FANCL: variants seen among roughly 807,000 people sequenced by gnomAD.
FANCL encodes the protein E3 ubiquitin-protein ligase FANCL.
A neutral mutation model predicts 59.4 loss-of-function variants in FANCL; 69 were observed. The ratio of observed to expected loss-of-function variants is 1.16; its 90% CI spans 0.96 to 1.42. The LOEUF (loss-of-function observed/expected upper bound fraction) is 1.42. Among genes scored for constraint, FANCL ranks in the 40% most tolerant of loss-of-function variants. The probability of loss-of-function intolerance (pLI) is 0.00; values close to 1 mark genes in which losing one functional copy is unlikely to be tolerated. For synonymous variants in FANCL, 180 were observed against 147.1 expected, an observed-to-expected ratio of 1.22 and a Z score of -1.62; for missense variants, 519 against 447.2, an observed-to-expected ratio of 1.16 and a Z score of -1.45.
At chr2:58,210,411 G>T (rs1691019381) in intron 5 of FANCL, among the ~76,000 whole-genome samples, 1 of 152,008 alleles carries the variant, frequency 6.6e-6, no homozygotes, top group Non-Finnish European at 1.5e-5. Context: ...CAATATGGGG[G>T]AAACCGCCCT....
chr2:58,188,055 GT>G (rs1169756710), intron 7 of FANCL, among the ~76,000 whole-genome samples: 33 of 152,180 alleles, frequency 2.2e-4, no homozygotes, highest in Admixed American at 1.3e-3. Flanking sequence ...TTATATTTAT[GT>G]TTTTACATTG....
chr2:58,192,438 A>G (rs1197376199), intron 7 of FANCL, among the ~76,000 whole-genome samples: 1 of 151,938 alleles, frequency 6.6e-6, no homozygotes, highest in Non-Finnish European at 1.5e-5. Context: ...TTAGAAAACT[A>G]AAGAAATGGA....
intron 4 of FANCL, among the ~76,000 whole-genome samples, chr2:58,225,792 T>C (rs1304964950): frequency 6.6e-6 from 1 of 152,012 alleles, no homozygotes; most frequent in Non-Finnish European, 1.5e-5. Context: ...GACACCTAAT[T>C]TGTTTTATTC....
intron 5 of FANCL, among the ~76,000 whole-genome samples, chr2:58,212,074 G>A (rs1347430794): frequency 6.6e-6 from 1 of 152,146 alleles, no homozygotes; most frequent in African/African-American, 2.4e-5. Flanking sequence ...GTATTAGTCT[G>A]TTTTCATGCT....
At chr2:58,159,968 C>T (rs982543706) in intron 13 of FANCL, 140 bp downstream of exon 13, 202 of 1,526,340 alleles carry the variant, frequency 1.3e-4, no homozygotes, top group Non-Finnish European at 1.6e-4. Flanking sequence ...TGTTTTTGAT[C>T]AGAGAATTTG....
At chr2:58,212,668 T>C (rs1052898343) in intron 5 of FANCL, among the ~76,000 whole-genome samples, 9 of 152,180 alleles carry the variant, frequency 5.9e-5, no homozygotes, top group Admixed American at 5.9e-4. Context: ...TAATAGGCCA[T>C]TCTGTAAAAC....
At chr2:58,199,159 A>G (rs1308459988) in intron 6 of FANCL, among the ~76,000 whole-genome samples, 1 of 152,150 alleles carries the variant, frequency 6.6e-6, no homozygotes, top group East Asian at 1.9e-4. Flanking sequence ...TAGTCAACCT[A>G]TGGAGGTGCA....
At position 58,160,128 on chromosome 2, in the gene FANCL, C is replaced by A. The variant is rs933913059; in HGVS notation, c.1072G>T (p.Glu358Ter). Residue 358 changes from glutamate (E) to a stop codon, truncating the protein, a stop_gained, in exon 13 of 14, where the codon GAA becomes TAA. Coordinates refer to ENST00000233741, the MANE Select transcript of FANCL (RefSeq NM_018062.4). LOFTEE classifies it high-confidence loss of function. ...CTTACCTTACTACAATATGGACATT[C>A]ACCAAATATGATGTTAAAACTCTGT... ...SRQSFNIIFG[E>*]CPYCSKPITL... 6.2e-7 allele frequency: 1 copy of A among 1,612,754 alleles called. No individual in the cohort carries two copies. The highest frequency in any genetic ancestry group is 1.3e-5 in the African/African-American group (1 of 74,978).
chr2:58,186,054 G>T (rs377703252), intron 7 of FANCL, among the ~76,000 whole-genome samples: 1 of 152,152 alleles, frequency 6.6e-6, no homozygotes, highest in Non-Finnish European at 1.5e-5. Flanking sequence ...TTTTCAAATA[G>T]TGACAAGTCA....
chr2:58,204,370 C>G, intron 5 of FANCL, 144 bp from the exon 6 acceptor site: 1 of 709,888 alleles, frequency 1.4e-6, no homozygotes, highest in Non-Finnish European at 2.5e-6. Context: ...CATGCCAACC[C>G]TTTCTGCTGC....
intron 5 of FANCL, among the ~76,000 whole-genome samples, chr2:58,205,556 C>T (rs1050499959): frequency 3.3e-5 from 5 of 151,986 alleles, no homozygotes; most frequent in African/African-American, 7.2e-5. Flanking sequence ...ATGTTAAGCA[C>T]ATGCATTTAT....
At chr2:58,182,994 A>C (rs2104974925) in intron 7 of FANCL, among the ~76,000 whole-genome samples, 1 of 151,940 alleles carries the variant, frequency 6.6e-6, no homozygotes, top group South Asian at 2.1e-4. Flanking sequence ...GATCCGAGTG[A>C]GATAATGAAG....
chr2:58,183,871 C>T (rs1264586835), intron 7 of FANCL, among the ~76,000 whole-genome samples: 1 of 151,920 alleles, frequency 6.6e-6, no homozygotes, highest in Non-Finnish European at 1.5e-5. Context: ...ACCCAGTTTG[C>T]AAGGAAATCA....
intron 1 of FANCL, among the ~76,000 whole-genome samples, chr2:58,235,184 TAC>T (rs1693904971): frequency 6.6e-6 from 1 of 151,822 alleles, no homozygotes; most frequent in Non-Finnish European, 1.5e-5. Flanking sequence ...TAGAGAAATA[TAC>T]ACAGAGAAAC....
chr2:58,188,145 C>T (rs1238583885), intron 7 of FANCL, among the ~76,000 whole-genome samples: 1 of 152,130 alleles, frequency 6.6e-6, no homozygotes, highest in African/African-American at 2.4e-5. Flanking sequence ...ATTGTCTCAG[C>T]ACCATGTGTT....
At chr2:58,235,122 A>G (rs973682585) in intron 1 of FANCL, among the ~76,000 whole-genome samples, 1 of 151,866 alleles carries the variant, frequency 6.6e-6, no homozygotes, top group Non-Finnish European at 1.5e-5. Flanking sequence ...GAGGCCAACA[A>G]TTGTACAATT....
chr2:58,193,427 T>C (rs2105060431), intron 7 of FANCL, among the ~76,000 whole-genome samples: 1 of 152,192 alleles, frequency 6.6e-6, no homozygotes, highest in East Asian at 1.9e-4. Context: ...AAATAAATAA[T>C]TAGCTATCGA....
intron 1 of FANCL, among the ~76,000 whole-genome samples, chr2:58,232,888 C>G (rs1476005244): frequency 6.6e-6 from 1 of 151,936 alleles, no homozygotes; most frequent in African/African-American, 2.4e-5. Flanking sequence ...TAATCTTTTA[C>G]TCTAACAGAA....
chr2:58,171,309 G>GT (rs577600082), intron 7 of FANCL, among the ~76,000 whole-genome samples: 30 of 152,248 alleles, frequency 2.0e-4, no homozygotes, highest in African/African-American at 7.0e-4. Context: ...AAATAAATAA[G>GT]TTTTTTGAAA....
Sources: allele counts gnomAD v4.1 joint callset (sites outside exome capture counted in the v4.1 genomes callset), GRCh38; gene constraint gnomAD v4.1.1; transcripts MANE v1.5; gene names NCBI Gene and HGNC (gene_info 2026-07-23, HGNC 2026-07-21).